PTPRN2: variants seen among roughly 807,000 people sequenced by gnomAD.
PTPRN2 encodes protein tyrosine phosphatase receptor type N2, also known as receptor-type tyrosine-protein phosphatase N2.
In PTPRN2, 74 loss-of-function variants were observed where a neutral mutation model predicts 118.8. That is an observed-to-expected ratio of 0.62 (90% CI 0.52 to 0.76). The LOEUF (loss-of-function observed/expected upper bound fraction) is 0.76. PTPRN2 is among the 30% of genes least tolerant of loss of function. The probability of loss-of-function intolerance (pLI) is 0.00; values close to 1 mark genes in which losing one functional copy is unlikely to be tolerated. For missense variants in PTPRN2, 1,481 were observed against 1,394.4 expected, an observed-to-expected ratio of 1.06 and a Z score of -0.99; for synonymous variants, 641 against 608.0, an observed-to-expected ratio of 1.05 and a Z score of -0.80.
intron 2 of PTPRN2, among the ~76,000 whole-genome samples, chr7:158,388,322 C>T (rs1811663520): frequency 6.6e-6 from 1 of 152,062 alleles, no homozygotes; most frequent in Admixed American, 6.6e-5. Context: ...CGCAAGACCA[C>T]CCCCCCATGA....
intron 3 of PTPRN2, among the ~76,000 whole-genome samples, chr7:158,295,403 C>T (rs61082332): frequency 0.029 from 74 of 2,574 alleles, 2 homozygotes; most frequent in Middle Eastern, 0.25. Context: ...ACCCTGCCTG[C>T]CTGCCCAGAC....
chr7:157,718,020 T>C (rs1226461227), intron 12 of PTPRN2, among the ~76,000 whole-genome samples: 1 of 152,254 alleles, frequency 6.6e-6, no homozygotes, highest in Non-Finnish European at 1.5e-5. Context: ...AAGCCACGTC[T>C]CCACTCTGGG....
intron 2 of PTPRN2, among the ~76,000 whole-genome samples, chr7:158,469,789 CCAT>C (rs558201979): frequency 1.3e-5 from 2 of 151,062 alleles, no homozygotes; most frequent in South Asian, 4.2e-4. Context: ...TGTTCTAGTG[CCAT>C]CATAAAAGAA....
At chr7:158,355,729 C>A (rs777871287) in intron 2 of PTPRN2, among the ~76,000 whole-genome samples, 7 of 152,222 alleles carry the variant, frequency 4.6e-5, no homozygotes, top group Non-Finnish European at 7.3e-5. Context: ...CACCAGATGG[C>A]AACAGGGAGA....
At chr7:158,342,119 T>C (rs1806973683) in intron 2 of PTPRN2, among the ~76,000 whole-genome samples, 1 of 140,062 alleles carries the variant, frequency 7.1e-6, no homozygotes, top group Non-Finnish European at 1.5e-5. Context: ...ACACCCACAC[T>C]CTCACCATAA....
At chr7:157,853,818 C>T (rs1809474388) in intron 12 of PTPRN2, among the ~76,000 whole-genome samples, 1 of 152,124 alleles carries the variant, frequency 6.6e-6, no homozygotes, top group South Asian at 2.1e-4. Context: ...GTGACCTTAT[C>T]GGGGAATAGG....
chr7:157,656,021 CA>C (rs1806055232), intron 14 of PTPRN2, among the ~76,000 whole-genome samples: 1 of 126,586 alleles, frequency 7.9e-6, no homozygotes, highest in Admixed American at 8.5e-5. Flanking sequence ...GTCAGAGGCC[CA>C]AAACGGCAGC....
At chr7:158,415,522 T>G (rs1814586434) in intron 2 of PTPRN2, among the ~76,000 whole-genome samples, 1 of 152,176 alleles carries the variant, frequency 6.6e-6, no homozygotes, top group Admixed American at 6.5e-5. Flanking sequence ...GAGTGCGGCC[T>G]GCTTACCAGA....
chr7:158,448,800 A>T (rs1817901779), intron 2 of PTPRN2, among the ~76,000 whole-genome samples: 1 of 152,176 alleles, frequency 6.6e-6, no homozygotes, highest in African/African-American at 2.4e-5. Flanking sequence ...CTAGAACGAG[A>T]CTGGACTGTC....
At chr7:158,347,977 A>G (rs979087850) in intron 2 of PTPRN2, among the ~76,000 whole-genome samples, 4 of 152,028 alleles carry the variant, frequency 2.6e-5, no homozygotes, top group African/African-American at 9.7e-5. Context: ...ATGGCTGTCA[A>G]TCCCTAAACT....
At chr7:157,980,844 A>G (rs916706343) in intron 11 of PTPRN2, among the ~76,000 whole-genome samples, 13 of 152,262 alleles carry the variant, frequency 8.5e-5, no homozygotes, top group African/African-American at 2.9e-4. Flanking sequence ...CCTCCCTTTA[A>G]GCCTGAGGAA....
chr7:157,897,236 G>A (rs751862895), intron 12 of PTPRN2, among the ~76,000 whole-genome samples: 7 of 152,122 alleles, frequency 4.6e-5, no homozygotes, highest in Admixed American at 4.6e-4. Flanking sequence ...CCTTGTACAC[G>A]CAGGAGACGC....
intron 1 of PTPRN2, chr7:158,541,877 A>C (rs1028679629): frequency 2.9e-6 from 1 of 339,918 alleles, no homozygotes; most frequent in Non-Finnish European, 4.2e-6. Context: ...GGAGCTCAGA[A>C]CTGGCTAGCA....
chr7:158,523,273 C>T (rs1824355401), intron 1 of PTPRN2, among the ~76,000 whole-genome samples: 2 of 152,318 alleles, frequency 1.3e-5, no homozygotes, highest in Non-Finnish European at 2.9e-5. Flanking sequence ...GGTGCAGACA[C>T]GTCCCACGGT....
intron 11 of PTPRN2, among the ~76,000 whole-genome samples, chr7:158,050,531 GA>G (rs1293619600): frequency 6.6e-6 from 1 of 152,144 alleles, no homozygotes; most frequent in Non-Finnish European, 1.5e-5. Context: ...GGTTCTCTCT[GA>G]GCTTCCCCAA....
chr7:158,331,596 AGG>A (rs1804463493), intron 2 of PTPRN2, among the ~76,000 whole-genome samples: 6 of 138,236 alleles, frequency 4.3e-5, no homozygotes, highest in Admixed American at 1.4e-4. Context: ...ATAAGAGCTG[AGG>A]ACCACAGAGG....
intron 2 of PTPRN2, among the ~76,000 whole-genome samples, chr7:158,471,234 A>T (rs1016095378): frequency 2.0e-5 from 3 of 152,110 alleles, no homozygotes; most frequent in Non-Finnish European, 2.9e-5. Context: ...TCTTCTTTGG[A>T]GGCAAAGCCA....
chr7:158,047,236 C>T (rs1055155556), intron 11 of PTPRN2, among the ~76,000 whole-genome samples: 7 of 152,322 alleles, frequency 4.6e-5, no homozygotes, highest in East Asian at 3.9e-4. Flanking sequence ...GCACAGTCAC[C>T]GAAGTCCAAA....
intron 12 of PTPRN2, among the ~76,000 whole-genome samples, chr7:157,818,236 G>T (rs994832168): frequency 6.6e-6 from 1 of 152,048 alleles, no homozygotes; most frequent in East Asian, 1.9e-4. Context: ...GTATGTGTGT[G>T]CCCGTGCATG....
Sources: allele counts gnomAD v4.1 joint callset (sites outside exome capture counted in the v4.1 genomes callset), GRCh38; gene constraint gnomAD v4.1.1; transcripts MANE v1.5; gene names NCBI Gene and HGNC (gene_info 2026-07-23, HGNC 2026-07-21).